NPC2: variants seen among roughly 807,000 people sequenced by gnomAD.
NPC2 encodes NPC intracellular cholesterol transporter 2, also known as Niemann-Pick disease type C2 protein.
In NPC2, 14 loss-of-function variants were observed where a neutral mutation model predicts 17.0. That is an observed-to-expected ratio of 0.82 (90% CI 0.54 to 1.29). The LOEUF (loss-of-function observed/expected upper bound fraction) is 1.29, where lower values mean the gene tolerates loss of function less well. Ranked by LOEUF, NPC2 falls within the 50% of genes most tolerant of loss-of-function variation. NPC2 has a pLI of 0.00. For missense variants in NPC2, 167 were observed against 183.4 expected (o/e 0.91, Z 0.52); for synonymous variants, 75 against 69.3 (o/e 1.08, Z -0.41).
At chr14:74,483,122 T>C (rs2086672163) in intron 3 of NPC2, 2 of 943,830 alleles carry the variant, frequency 2.1e-6, no homozygotes, top group Admixed American at 1.8e-5. Flanking sequence ...CAACAGTGTA[T>C]GCTTAAAATC....
chr14:74,485,021 AC>A (rs1246588822), intron 2 of NPC2, among the ~76,000 whole-genome samples: 2 of 152,140 alleles, frequency 1.3e-5, no homozygotes, highest in African/African-American at 4.8e-5. Flanking sequence ...AGGCTGGATC[AC>A]AGTAGCTCCC....
chr14:74,481,589 T>C (rs1294496854), intron 3 of NPC2, among the ~76,000 whole-genome samples: 1 of 152,230 alleles, frequency 6.6e-6, no homozygotes, highest in Non-Finnish European at 1.5e-5. Context: ...AAAAAAAATT[T>C]AGATTCTTAG....
At chr14:74,483,450 A>G in intron 3 of NPC2, 1 of 1,542,796 alleles carries the variant, frequency 6.5e-7, no homozygotes, top group Non-Finnish European at 8.9e-7. Flanking sequence ...AGACAGATAA[A>G]TAGAAAAACA....
In NPC2 at chr14:74,487,915, G is replaced by A. The variant is rs141343268; in HGVS notation, c.83-1479C>T. On this transcript the variant is annotated intron_variant, in intron 1 of 4. Coordinates refer to ENST00000555619, the MANE Select transcript of NPC2 (RefSeq NM_006432.5). ...TTGTTTTAGGGGTTAGAAACCAGAA[G>A]AGCAAAGATTACTGAGATTTGTCCA... Among the ~76,000 whole-genome samples, 415 of 152,340 alleles carry A rather than the reference G, an allele frequency of 2.7e-3. 1 individual carries two copies. Among genetic ancestry groups the A allele is most frequent in the African/African-American group, 9.7e-3 (405 of 41,578 alleles).
At chr14:74,485,260 A>C (rs1250936787) in intron 2 of NPC2, among the ~76,000 whole-genome samples, 4 of 126,172 alleles carry the variant, frequency 3.2e-5, no homozygotes, top group Middle Eastern at 5.0e-3. Context: ...GCGCCACTGC[A>C]CTCCAGCCTG....
chr14:74,488,203 C>T (rs1385423598), intron 1 of NPC2, among the ~76,000 whole-genome samples: 2 of 152,170 alleles, frequency 1.3e-5, no homozygotes, highest in Admixed American at 1.3e-4. Flanking sequence ...AGGTTCAACC[C>T]CTATATCCTC....
At chr14:74,490,812 C>T (rs1242958608) in intron 1 of NPC2, among the ~76,000 whole-genome samples, 1 of 152,200 alleles carries the variant, frequency 6.6e-6, no homozygotes, top group East Asian at 1.9e-4. Flanking sequence ...ATCATATTTC[C>T]CAATTCAAAA....
At position 74,479,941 on chromosome 14, in the gene NPC2, G is replaced by T; in HGVS notation, c.*333C>A. ...AGCAGGAGAAGACCACAGCCCACATGCAGAAGACAAGACAAACGAGTTTTT... is the reference window on the plus strand; with the variant it reads ...AGCAGGAGAAGACCACAGCCCACATTCAGAAGACAAGACAAACGAGTTTTT... On this transcript the variant is annotated 3_prime_UTR_variant, in exon 5 of 5. Coordinates refer to ENST00000555619, the MANE Select transcript of NPC2 (RefSeq NM_006432.5). 7.9e-7 allele frequency: 1 copy of T among 1,260,480 alleles called. No individual in the cohort carries two copies. The highest frequency in any genetic ancestry group is 1.6e-5 in the South Asian group (1 of 63,942). 78.1% of individuals were successfully genotyped at this position (1,260,480 alleles called of 1,614,324 possible).
intron 3 of NPC2, chr14:74,482,941 G>T (rs1364981172): frequency 5.6e-6 from 3 of 531,210 alleles, no homozygotes; most frequent in Admixed American, 5.3e-5. Context: ...GTGCCAGACT[G>T]GGGGAATCAT....
chr14:74,491,248 T>C (rs1264947707), intron 1 of NPC2, among the ~76,000 whole-genome samples: 1 of 152,070 alleles, frequency 6.6e-6, no homozygotes, highest in African/African-American at 2.4e-5. Context: ...AATTTTTGTA[T>C]TTTTAGTAGA....
In NPC2 at chr14:74,479,947, G is replaced by C; in HGVS notation, c.*327C>G. On this transcript the variant is annotated 3_prime_UTR_variant, in exon 5 of 5. Transcript: ENST00000555619. Reference sequence around the variant, plus strand: ...AGAAGACCACAGCCCACATGCAGAAGACAAGACAAACGAGTTTTTATTTAT... The same window carrying C: ...AGAAGACCACAGCCCACATGCAGAACACAAGACAAACGAGTTTTTATTTAT... The C allele has an allele frequency of 7.8e-7, 1 of 1,278,258 alleles. No individual in the cohort carries two copies. The highest frequency in any genetic ancestry group is 1.0e-6 in the Non-Finnish European group (1 of 1,001,318). 79.2% of individuals were successfully genotyped at this position (1,278,258 alleles called of 1,614,324 possible).
In NPC2 at chr14:74,492,188, C is replaced by G. The variant is rs373547282; in HGVS notation, c.82+1005G>C. ...AATTATCCTTAAAAACTCTGATCCCCGAATGCTCGGGGAGACTGATCTGAG... is the reference window on the plus strand; with the variant it reads ...AATTATCCTTAAAAACTCTGATCCCGGAATGCTCGGGGAGACTGATCTGAG... On this transcript the variant is annotated intron_variant, in intron 1 of 4. Transcript: ENST00000555619. Among the ~76,000 whole-genome samples the G allele has an allele frequency of 1.8e-4, 27 of 152,254 alleles. No individual in the cohort carries two copies. In the South Asian group the frequency reaches 5.6e-3, roughly 32 times the overall value.
chr14:74,484,689 C>T (rs186769648), intron 2 of NPC2, 102 bp from the exon 3 acceptor site: 215 of 1,053,268 alleles, frequency 2.0e-4, no homozygotes, highest in Non-Finnish European at 7.2e-5. Flanking sequence ...TTCCTAGGGT[C>T]TATTTCTCTT....
At position 74,486,011 on chromosome 14, in the gene NPC2, C is replaced by T. The variant is rs1179841686; in HGVS notation, c.190+318G>A. Reference sequence around the variant, plus strand: ...GGGGTCCATACTAATACTCTGCAGTCTGTAGCTAAACAGAGCTGACATTCC... The same window carrying T: ...GGGGTCCATACTAATACTCTGCAGTTTGTAGCTAAACAGAGCTGACATTCC... On this transcript the variant is annotated intron_variant, in intron 2 of 4. Transcript: ENST00000555619. Among the ~76,000 whole-genome samples the T allele has an allele frequency of 3.9e-5, 6 of 152,300 alleles. No homozygotes were observed. In the East Asian group the frequency reaches 1.2e-3, roughly 29 times the overall value.
At chr14:74,491,486 C>T (rs574381479) in intron 1 of NPC2, among the ~76,000 whole-genome samples, 1 of 152,300 alleles carries the variant, frequency 6.6e-6, no homozygotes, top group Non-Finnish European at 1.5e-5. Context: ...TCTCCTAAAT[C>T]AATGGAATAG....
chr14:74,480,726 G>A lies in NPC2; in HGVS notation c.417C>T (p.Phe139=). 1 of 1,614,108 alleles carries A rather than the reference G, an allele frequency of 6.2e-7. No homozygotes were observed. The highest frequency in any genetic ancestry group is 1.1e-5 in the South Asian group (1 of 91,076). Residue 139 remains phenylalanine (F), a synonymous_variant, in exon 4 of 5, where the codon TTC becomes TTT. Transcript: ENST00000555619. ...QLQDDKNQSL[F]CWEIPVQIVS... ...CGATCTGTACTGGGATTTCCCAGCA[G>A]AAGAGACTTTGGTTTTTGTCATCCT... is the stretch of plus-strand genomic sequence containing the variant.
rs1412520435 is a variant in NPC2 at position 74,480,762 on chromosome 14, C to G, written c.381G>C (p.Glu127Asp). The change falls in exon 4 of 5, where the codon GAG (glutamate) becomes GAC (aspartate). Residue 127 changes from glutamate to aspartate, a missense_variant. By Grantham distance (45) the Glu-to-Asp change is conservative (BLOSUM62 2). Coordinates refer to ENST00000555619, the MANE Select transcript of NPC2 (RefSeq NM_006432.5). ...SEYPSIKLVV[E>D]WQLQDDKNQS... ...GGTTTTTGTCATCCTGAAGTTGCCA[C>G]TCCACCACCAGTTTTATCTGGAGAA... 8 of 1,613,906 alleles carry G rather than the reference C, an allele frequency of 5.0e-6. No homozygotes were observed. Among genetic ancestry groups the G allele is most frequent in the Non-Finnish European group, 6.8e-6 (8 of 1,179,800 alleles).
intron 1 of NPC2, among the ~76,000 whole-genome samples, chr14:74,490,199 C>A (rs1021807427): frequency 2.0e-5 from 3 of 152,212 alleles, no homozygotes; most frequent in African/African-American, 4.8e-5. Flanking sequence ...TAGCTCAGTA[C>A]TATAAAAGTA....
Position 74,480,064 on chromosome 14 carries a change from T to G in NPC2, c.*210A>C, listed in dbSNP as rs1052935522. The G allele has an allele frequency of 1.3e-6, 2 of 1,519,678 alleles. No homozygotes were observed. The highest frequency in any genetic ancestry group is 1.8e-6 in the Non-Finnish European group (2 of 1,138,054). 94.1% of individuals were successfully genotyped at this position (1,519,678 alleles called of 1,614,324 possible). On this transcript the variant is annotated 3_prime_UTR_variant, in exon 5 of 5. Transcript: ENST00000555619. ...TCTGCTAACCAAGTGCTGCATTTAA[T>G]GAAACCACCTAAGACAGAAAAAGAG...
Sources: gnomAD v4.1 joint callset for allele counts (sites outside exome capture counted in the v4.1 genomes callset) on GRCh38, gnomAD v4.1.1 for gene constraint, MANE v1.5 for transcripts, NCBI Gene and HGNC (gene_info 2026-07-23, HGNC 2026-07-21) for gene names.